RABGAP1L: variants seen among roughly 807,000 people sequenced by gnomAD.
RABGAP1L encodes RAB GTPase activating protein 1 like.
Under a neutral mutation model 137.7 loss-of-function variants are expected in RABGAP1L, and 63 were observed. The observed-to-expected ratio is 0.46, with a 90% CI of 0.37 to 0.56. RABGAP1L has a LOEUF of 0.56. Among genes scored for constraint, RABGAP1L ranks in the 20% least tolerant of loss-of-function variants. RABGAP1L has a pLI of 0.00. For missense variants in RABGAP1L, 1,095 were observed against 1,244.0 expected (o/e 0.88, Z 1.80); for synonymous variants, 431 against 433.7 (o/e 0.99, Z 0.08).
intron 13 of RABGAP1L, among the ~76,000 whole-genome samples, chr1:174,577,254 CACACACACACAT>C (rs1668443174): frequency 9.0e-6 from 1 of 110,846 alleles, no homozygotes; most frequent in Non-Finnish European, 1.9e-5. Context: ...CACACACACA[CACACACACACAT>C]TGAGAGTCAG....
At chr1:174,746,608 G>A (rs770108884) in intron 17 of RABGAP1L, among the ~76,000 whole-genome samples, 2 of 152,206 alleles carry the variant, frequency 1.3e-5, no homozygotes, top group Non-Finnish European at 2.9e-5. Flanking sequence ...CCTTTAGGAA[G>A]TAGAGGACAC....
intron 13 of RABGAP1L, among the ~76,000 whole-genome samples, chr1:174,500,712 C>A (rs1661179526): frequency 6.6e-6 from 1 of 152,048 alleles, no homozygotes; most frequent in Non-Finnish European, 1.5e-5. Flanking sequence ...AATGCCATAA[C>A]CTTCTGATAT....
intron 13 of RABGAP1L, among the ~76,000 whole-genome samples, chr1:174,430,160 A>C (rs914960697): frequency 1.3e-5 from 2 of 152,062 alleles, no homozygotes; most frequent in Admixed American, 1.3e-4. Flanking sequence ...CGAGGCGGGC[A>C]GTTTGCTTGA....
intron 12 of RABGAP1L, among the ~76,000 whole-genome samples, chr1:174,372,639 T>C (rs986899955): frequency 2.0e-5 from 3 of 152,282 alleles, no homozygotes; most frequent in Middle Eastern, 3.4e-3. Flanking sequence ...GAACAGAAGT[T>C]GTAACCATAT....
Position 174,333,247 on chromosome 1 carries a change from C to G in RABGAP1L, c.1465+28120C>G, listed in dbSNP as rs556265841. Among the ~76,000 whole-genome samples, 3 of 152,200 alleles carry G rather than the reference C, an allele frequency of 2.0e-5. No individual in the cohort carries two copies. The East Asian group carries it at 5.8e-4, about 29-fold the overall frequency. On this transcript the variant is annotated intron_variant, in intron 11 of 25. Coordinates refer to ENST00000681986, the MANE Select transcript of RABGAP1L (RefSeq NM_001366446.1). ...GTAAGAGGAATAAATTCTGCTACTC[C>G]GTTTTACAGTGGGGTGACTGTAGCT...
chr1:174,485,769 A>G (rs1467016724), intron 13 of RABGAP1L, among the ~76,000 whole-genome samples: 1 of 152,204 alleles, frequency 6.6e-6, no homozygotes, highest in East Asian at 1.9e-4. Context: ...TTTTGCATCA[A>G]TATTCATCAA....
intron 13 of RABGAP1L, among the ~76,000 whole-genome samples, chr1:174,472,886 C>T (rs1658096746): frequency 1.3e-5 from 2 of 152,188 alleles, no homozygotes; most frequent in South Asian, 4.1e-4. Context: ...AAGGGCCAGC[C>T]TTTCAAGCAT....
intron 13 of RABGAP1L, among the ~76,000 whole-genome samples, chr1:174,551,025 TACACACACAC>T (rs752146297): frequency 9.3e-5 from 11 of 117,818 alleles, no homozygotes; most frequent in South Asian, 2.6e-4. Flanking sequence ...TATATATACA[TACACACACAC>T]ACATATATAT....
intron 11 of RABGAP1L, among the ~76,000 whole-genome samples, chr1:174,369,041 T>C (rs1436687117): frequency 6.6e-6 from 1 of 152,200 alleles, no homozygotes; most frequent in Non-Finnish European, 1.5e-5. Context: ...TTAGTTACTG[T>C]GGATCAGAAT....
chr1:174,463,815 A>T (rs1656991738), intron 13 of RABGAP1L, among the ~76,000 whole-genome samples: 2 of 151,436 alleles, frequency 1.3e-5, no homozygotes, highest in Non-Finnish European at 2.9e-5. Flanking sequence ...AGTAAAAAAA[A>T]TAATAATAAT....
At chr1:174,657,794 A>T (rs561819008) in intron 14 of RABGAP1L, among the ~76,000 whole-genome samples, 20 of 152,102 alleles carry the variant, frequency 1.3e-4, no homozygotes, top group Non-Finnish European at 2.2e-4. Context: ...TTCTATTTGT[A>T]GTTTTTTTAG....
chr1:174,459,053 AT>A (rs1185021647), intron 13 of RABGAP1L, among the ~76,000 whole-genome samples: 1 of 152,130 alleles, frequency 6.6e-6, no homozygotes, highest in African/African-American at 2.4e-5. Context: ...TAGAAAATAA[AT>A]GGTTATAGTC....
chr1:174,843,842 C>T lies in RABGAP1L; in HGVS notation c.2340+31882C>T, dbSNP rs895665704. 1.8e-4 allele frequency among the ~76,000 whole-genome samples: 24 copies of T among 131,560 alleles called. 1 individual carries two copies. The highest frequency in any genetic ancestry group is 6.0e-4 in the African/African-American group (21 of 34,756). The allele number at this position is 131,560 out of a possible 152,430, so 86.3% of individuals were successfully genotyped here. ...TGGTTGAACTGGTTTACAGTCCCAC[C>T]AACAGTGTAAAAGTGTTCCTATTTC... is the stretch of plus-strand genomic sequence containing the variant. On this transcript the variant is annotated intron_variant, in intron 19 of 25. Coordinates refer to ENST00000681986, the MANE Select transcript of RABGAP1L (RefSeq NM_001366446.1).
intron 13 of RABGAP1L, among the ~76,000 whole-genome samples, chr1:174,581,427 T>C (rs906082932): frequency 1.3e-5 from 2 of 152,178 alleles, no homozygotes; most frequent in African/African-American, 4.8e-5. Flanking sequence ...GCGAATGAAA[T>C]GAGTCACAAA....
intron 13 of RABGAP1L, among the ~76,000 whole-genome samples, chr1:174,401,546 G>A (rs546496033): frequency 5.9e-5 from 9 of 152,262 alleles, no homozygotes; most frequent in African/African-American, 7.2e-5. Context: ...CTTGAGGTCC[G>A]TGCAGGTTTC....
chr1:174,989,826 G>A (rs1482714991), intron 25 of RABGAP1L, 23 bp from the exon 26 acceptor site: 2 of 1,545,140 alleles, frequency 1.3e-6, no homozygotes, highest in African/African-American at 1.4e-5. Context: ...ATTTAACTCA[G>A]ATGATTTTCT....
At chr1:174,345,257 C>T (rs1682334840) in intron 11 of RABGAP1L, among the ~76,000 whole-genome samples, 1 of 151,988 alleles carries the variant, frequency 6.6e-6, no homozygotes, top group Non-Finnish European at 1.5e-5. Context: ...CTTAGGATGG[C>T]CATGGCTAGT....
chr1:174,439,728 T>G (rs1653905290), intron 13 of RABGAP1L, among the ~76,000 whole-genome samples: 2 of 152,228 alleles, frequency 1.3e-5, no homozygotes, highest in Admixed American at 1.3e-4. Context: ...TGTTAGTGTT[T>G]TTCAGTCCTT....
chr1:174,578,982 GA>G (rs941540387), intron 13 of RABGAP1L, among the ~76,000 whole-genome samples: 2 of 151,954 alleles, frequency 1.3e-5, no homozygotes, highest in African/African-American at 4.8e-5. Flanking sequence ...CTATTGAATG[GA>G]AAAAATACAT....
Sources: allele counts gnomAD v4.1 joint callset (sites outside exome capture counted in the v4.1 genomes callset), GRCh38; gene constraint gnomAD v4.1.1; transcripts MANE v1.5; gene names NCBI Gene and HGNC (gene_info 2026-07-23, HGNC 2026-07-21).